The following NRXN3 variants were observed in gnomAD, a reference collection of about 807,000 sequenced individuals.
NRXN3 encodes the protein neurexin III.
NRXN3 carries 32 observed loss-of-function variants against 137.6 expected under a neutral mutation model. The ratio of observed to expected loss-of-function variants is 0.23; its 90% CI spans 0.18 to 0.31. NRXN3 has a LOEUF of 0.31. Among genes scored for constraint, NRXN3 ranks in the 10% least tolerant of loss-of-function variants. The pLI is 1.00. For missense variants in NRXN3, 1,574 were observed against 2,062.5 expected (o/e 0.76, Z 4.59); for synonymous variants, 798 against 784.5 (o/e 1.02, Z -0.29).
chr14:79,655,500 G>A (rs536244194), intron 16 of NRXN3, among the ~76,000 whole-genome samples: 7 of 152,270 alleles, frequency 4.6e-5, no homozygotes, highest in East Asian at 1.9e-4. Context: ...TGTTGTGTGC[G>A]TGCATATATA....
chr14:78,999,445 T>G (rs1257366664), intron 15 of NRXN3, among the ~76,000 whole-genome samples: 1 of 152,176 alleles, frequency 6.6e-6, no homozygotes, highest in Non-Finnish European at 1.5e-5. Context: ...GTTGAATGAC[T>G]GAGTCTTGCA....
chr14:79,010,723 T>TA (rs1481547540), intron 15 of NRXN3, among the ~76,000 whole-genome samples: 1 of 152,222 alleles, frequency 6.6e-6, no homozygotes. Context: ...TATCAATCTT[T>TA]ATGCAGCTAT....
intron 4 of NRXN3, among the ~76,000 whole-genome samples, chr14:78,405,624 C>T (rs998254662): frequency 1.5e-4 from 21 of 141,490 alleles, no homozygotes; most frequent in African/African-American, 2.4e-4. Flanking sequence ...GGGGGGGTTC[C>T]GGGTATCTGA....
chr14:78,674,377 C>T (rs947477989), intron 6 of NRXN3, among the ~76,000 whole-genome samples: 3 of 152,192 alleles, frequency 2.0e-5, no homozygotes, highest in Admixed American at 6.5e-5. Context: ...CTGGCCAATG[C>T]ACCCTACTCC....
chr14:79,525,562 T>A (rs943911539), intron 16 of NRXN3, among the ~76,000 whole-genome samples: 2 of 152,208 alleles, frequency 1.3e-5, no homozygotes, highest in African/African-American at 4.8e-5. Context: ...TCCCCACAAA[T>A]GAATCAGTCA....
chr14:79,689,876 G>A (rs538656892), intron 17 of NRXN3, among the ~76,000 whole-genome samples: 41 of 152,228 alleles, frequency 2.7e-4, no homozygotes, highest in African/African-American at 6.7e-4. Context: ...TTAATTTGGT[G>A]TATATTAAAT....
At chr14:79,727,737 A>G (rs1435227570) in intron 19 of NRXN3, among the ~76,000 whole-genome samples, 1 of 152,150 alleles carries the variant, frequency 6.6e-6, no homozygotes, top group Non-Finnish European at 1.5e-5. Context: ...CTTTATGGCA[A>G]TAAATAAACG....
intron 4 of NRXN3, among the ~76,000 whole-genome samples, chr14:78,640,763 C>T (rs141698315): frequency 1.7e-3 from 264 of 152,246 alleles, no homozygotes; most frequent in African/African-American, 6.1e-3. Flanking sequence ...CAATTGGACA[C>T]TTACAAATAA....
chr14:79,376,214 G>GTGTA (rs1202960729), intron 15 of NRXN3, among the ~76,000 whole-genome samples: 1 of 71,102 alleles, frequency 1.4e-5, no homozygotes, highest in African/African-American at 5.5e-5. Context: ...GTGTGTGTAT[G>GTGTA]TATATATATA....
At chr14:79,080,625 C>T (rs898701906) in intron 15 of NRXN3, among the ~76,000 whole-genome samples, 3 of 152,072 alleles carry the variant, frequency 2.0e-5, no homozygotes, top group African/African-American at 4.8e-5. Flanking sequence ...TTTCAGATAC[C>T]TCACCAGCTT....
At chr14:79,610,094 T>C (rs990297197) in intron 16 of NRXN3, among the ~76,000 whole-genome samples, 3 of 151,766 alleles carry the variant, frequency 2.0e-5, no homozygotes, top group Non-Finnish European at 2.9e-5. Context: ...ACTTAAAGTA[T>C]AAAAATGAGA....
chr14:78,893,142 C>G (rs1008661355), intron 10 of NRXN3, among the ~76,000 whole-genome samples: 4 of 151,902 alleles, frequency 2.6e-5, no homozygotes, highest in Non-Finnish European at 5.9e-5. Flanking sequence ...TCTTTCTCTT[C>G]CCCTGGGTCA....
intron 1 of NRXN3, among the ~76,000 whole-genome samples, chr14:78,213,486 C>T (rs1393645408): frequency 1.3e-5 from 2 of 152,104 alleles, no homozygotes; most frequent in African/African-American, 4.8e-5. Context: ...TAGGAAGAGC[C>T]TCCTCTGCAG....
intron 4 of NRXN3, among the ~76,000 whole-genome samples, chr14:78,564,863 T>G (rs908835136): frequency 6.6e-6 from 1 of 152,156 alleles, no homozygotes; most frequent in African/African-American, 2.4e-5. Context: ...GATCTTGTCT[T>G]CATATTTTTG....
chr14:79,216,174 T>C (rs1458559923), intron 15 of NRXN3, among the ~76,000 whole-genome samples: 1 of 152,130 alleles, frequency 6.6e-6, no homozygotes, highest in African/African-American at 2.4e-5. Flanking sequence ...TGTCTGAGCC[T>C]GGAATGGGAT....
chr14:78,939,382 G>A (rs972593710), intron 10 of NRXN3, among the ~76,000 whole-genome samples: 1 of 152,226 alleles, frequency 6.6e-6, no homozygotes, highest in African/African-American at 2.4e-5. Context: ...GAGTGTGCAA[G>A]TGGGATAGAA....
intron 17 of NRXN3, among the ~76,000 whole-genome samples, chr14:79,671,809 A>G (rs1209355360): frequency 6.6e-6 from 1 of 152,064 alleles, no homozygotes; most frequent in Non-Finnish European, 1.5e-5. Context: ...GCTGATAAGC[A>G]TTTCAAGGCA....
intron 16 of NRXN3, among the ~76,000 whole-genome samples, chr14:79,505,898 A>G (rs1430982131): frequency 6.6e-6 from 1 of 152,176 alleles, no homozygotes; most frequent in African/African-American, 2.4e-5. Context: ...GCACAGTGTG[A>G]CTAGGTCCCC....
intron 18 of NRXN3, among the ~76,000 whole-genome samples, chr14:79,694,294 T>C (rs1320731155): frequency 6.6e-6 from 1 of 151,982 alleles, no homozygotes; most frequent in East Asian, 1.9e-4. Context: ...TGAGGTTTAA[T>C]TAATTAGTCT....
Sources: gnomAD v4.1 joint callset for allele counts (sites outside exome capture counted in the v4.1 genomes callset) on GRCh38, gnomAD v4.1.1 for gene constraint, MANE v1.5 for transcripts, NCBI Gene and HGNC (gene_info 2026-07-23, HGNC 2026-07-21) for gene names.